Variants in CCSER1 observed in about 807,000 individuals in gnomAD.
CCSER1 encodes the protein serine-rich coiled-coil domain-containing protein 1.
CCSER1 carries 41 observed loss-of-function variants against 82.0 expected under a neutral mutation model. That is an observed-to-expected ratio of 0.50 (90% CI 0.39 to 0.65). The LOEUF (loss-of-function observed/expected upper bound fraction) is 0.65, where lower values mean the gene tolerates loss of function less well. Ranked by LOEUF, CCSER1 falls within the 30% of genes least tolerant of loss-of-function variation. The probability of loss-of-function intolerance (pLI) is 0.00; values close to 1 mark genes in which losing one functional copy is unlikely to be tolerated. For synonymous variants in CCSER1, 414 were observed against 383.9 expected, an observed-to-expected ratio of 1.08 and a Z score of -0.92; for missense variants, 1,119 against 1,064.2, an observed-to-expected ratio of 1.05 and a Z score of -0.72.
intron 1 of CCSER1, among the ~76,000 whole-genome samples, chr4:90,136,155 A>G (rs569055805): frequency 6.6e-6 from 1 of 152,270 alleles, no homozygotes; most frequent in East Asian, 1.9e-4. Flanking sequence ...TAATTTCTCC[A>G]GTTCATTAGT....
At chr4:91,348,886 G>A (rs1037236671) in intron 10 of CCSER1, among the ~76,000 whole-genome samples, 10 of 151,870 alleles carry the variant, frequency 6.6e-5, no homozygotes, top group African/African-American at 2.4e-4. Flanking sequence ...TGATTTTGTT[G>A]ATTTTTTAAA....
intron 10 of CCSER1, among the ~76,000 whole-genome samples, chr4:91,478,432 C>T (rs1401329379): frequency 6.6e-5 from 10 of 151,860 alleles, no homozygotes; most frequent in African/African-American, 1.2e-4. Flanking sequence ...AATATAATTA[C>T]GTGATTTTTA....
chr4:90,702,773 G>A (rs978534192), intron 6 of CCSER1, among the ~76,000 whole-genome samples: 4 of 152,092 alleles, frequency 2.6e-5, no homozygotes, highest in African/African-American at 9.7e-5. Flanking sequence ...GGTGTTTATA[G>A]TATTCTCTGA....
chr4:91,367,147 A>G (rs866272147), intron 10 of CCSER1, among the ~76,000 whole-genome samples: 2 of 148,676 alleles, frequency 1.3e-5, no homozygotes, highest in Non-Finnish European at 3.0e-5. Flanking sequence ...AAAAAAAAAA[A>G]AAAGAGAAAA....
chr4:90,930,913 TATA>T (rs1561380722), intron 9 of CCSER1, among the ~76,000 whole-genome samples: 3 of 82,432 alleles, frequency 3.6e-5, no homozygotes, highest in African/African-American at 5.5e-5. Context: ...CCTTATTTTA[TATA>T]TATATATATA....
chr4:91,017,936 T>C (rs986127812), intron 9 of CCSER1, among the ~76,000 whole-genome samples: 6 of 152,034 alleles, frequency 3.9e-5, no homozygotes, highest in South Asian at 2.1e-4. Flanking sequence ...AGCAATCCTC[T>C]TGCCTCAGCT....
At chr4:91,100,676 T>C (rs1000217225) in intron 10 of CCSER1, among the ~76,000 whole-genome samples, 3 of 152,230 alleles carry the variant, frequency 2.0e-5, no homozygotes, top group Non-Finnish European at 1.5e-5. Context: ...TTTCTACTTA[T>C]GGCATTGTTT....
At chr4:91,418,756 A>T (rs1753525101) in intron 10 of CCSER1, among the ~76,000 whole-genome samples, 1 of 151,994 alleles carries the variant, frequency 6.6e-6, no homozygotes, top group African/African-American at 2.4e-5. Context: ...ATCAAGTATT[A>T]AAGACAAAAG....
At chr4:91,534,772 TC>T (rs1761212499) in intron 10 of CCSER1, among the ~76,000 whole-genome samples, 1 of 151,924 alleles carries the variant, frequency 6.6e-6, no homozygotes, top group East Asian at 1.9e-4. Flanking sequence ...TAGGATAATT[TC>T]TAAATATCCT....
chr4:91,010,432 A>G (rs1738917915), intron 9 of CCSER1, among the ~76,000 whole-genome samples: 2 of 137,186 alleles, frequency 1.5e-5, no homozygotes, highest in African/African-American at 4.9e-5. Context: ...TTTGTGTTTC[A>G]TGTATCTGGA....
chr4:90,945,186 G>GT (rs1006448890), intron 9 of CCSER1, among the ~76,000 whole-genome samples: 9 of 151,828 alleles, frequency 5.9e-5, no homozygotes, highest in African/African-American at 1.7e-4. Flanking sequence ...CTAATATTCA[G>GT]TTTTTTTTCT....
At chr4:90,767,376 T>A (rs1751406815) in intron 7 of CCSER1, among the ~76,000 whole-genome samples, 1 of 152,164 alleles carries the variant, frequency 6.6e-6, no homozygotes, top group South Asian at 2.1e-4. Flanking sequence ...TCACTGATGA[T>A]CTAAATAATG....
At chr4:90,791,922 G>A (rs941461510) in intron 7 of CCSER1, among the ~76,000 whole-genome samples, 1 of 151,908 alleles carries the variant, frequency 6.6e-6, no homozygotes, top group East Asian at 1.9e-4. Flanking sequence ...ATATGCACTG[G>A]GAAACCCAAA....
Position 90,963,144 on chromosome 4 carries a change from C to T in CCSER1, c.2172+39697C>T, listed in dbSNP as rs978856444. On this transcript the variant is annotated intron_variant, in intron 9 of 10. Transcript: ENST00000509176. ...GGATATTTATAGTTGTACTGAACAG[C>T]TCTTATTATATAGTTCCCTAGATTA... 2.6e-5 allele frequency among the ~76,000 whole-genome samples: 4 copies of T among 152,132 alleles called. 1 individual carries two copies. The South Asian group carries it at 8.3e-4, about 32-fold the overall frequency.
intron 10 of CCSER1, among the ~76,000 whole-genome samples, chr4:91,206,532 T>A (rs1215388674): frequency 6.6e-6 from 1 of 151,938 alleles, no homozygotes; most frequent in Non-Finnish European, 1.5e-5. Flanking sequence ...TTGAATACAA[T>A]TACAACAATA....
At chr4:90,494,155 A>G (rs1768573663) in intron 5 of CCSER1, among the ~76,000 whole-genome samples, 1 of 152,232 alleles carries the variant, frequency 6.6e-6, no homozygotes, top group Non-Finnish European at 1.5e-5. Context: ...ACAAAGGTCA[A>G]AAGAGACAAA....
At chr4:90,744,816 G>T (rs892738758) in intron 7 of CCSER1, among the ~76,000 whole-genome samples, 1 of 151,942 alleles carries the variant, frequency 6.6e-6, no homozygotes, top group African/African-American at 2.4e-5. Context: ...AGTGATCTGA[G>T]GTGGAATAGT....
Position 90,615,911 on chromosome 4 carries a change from A to G in CCSER1, c.1725-12114A>G, listed in dbSNP as rs1187207771. The stretch of plus-strand genomic sequence containing the variant: ...GTGAAAGGGAGTGACTAGATGCAGC[A>G]AACTTCATTGTTGCCCTATTTCAGG... On this transcript the variant is annotated intron_variant, in intron 5 of 10. Coordinates refer to ENST00000509176, the MANE Select transcript of CCSER1 (RefSeq NM_001145065.2). Among the ~76,000 whole-genome samples the G allele has an allele frequency of 3.3e-5, 5 of 152,146 alleles. No homozygotes were observed. The East Asian group carries it at 9.7e-4, about 29-fold the overall frequency.
intron 10 of CCSER1, among the ~76,000 whole-genome samples, chr4:91,501,942 A>G (rs536889023): frequency 6.6e-6 from 1 of 152,332 alleles, no homozygotes; most frequent in South Asian, 2.1e-4. Flanking sequence ...CTTATCATAC[A>G]CAGTTCATCT....
Sources: allele counts gnomAD v4.1 joint callset (sites outside exome capture counted in the v4.1 genomes callset), GRCh38; gene constraint gnomAD v4.1.1; transcripts MANE v1.5; gene names NCBI Gene and HGNC (gene_info 2026-07-23, HGNC 2026-07-21).